The following PATJ variants were observed in gnomAD, a reference collection of about 807,000 sequenced individuals.
The protein encoded by PATJ is inaD-like protein.
PATJ carries 190 observed loss-of-function variants against 224.9 expected under a neutral mutation model. The observed-to-expected ratio is 0.84, with a 90% CI of 0.75 to 0.95. The LOEUF is 0.95. Ranked by LOEUF, PATJ falls within the 40% of genes least tolerant of loss-of-function variation. The pLI is 0.00. For missense variants in PATJ, 2,121 were observed against 2,270.3 expected, an observed-to-expected ratio of 0.93 and a Z score of 1.34; for synonymous variants, 769 against 820.3, an observed-to-expected ratio of 0.94 and a Z score of 1.07.
At chr1:61,955,926 A>G (rs1304901055) in intron 27 of PATJ, among the ~76,000 whole-genome samples, 1 of 152,230 alleles carries the variant, frequency 6.6e-6, no homozygotes, top group Non-Finnish European at 1.5e-5. Context: ...ACAAAGAGAC[A>G]TATAATTGGA....
intron 6 of PATJ, among the ~76,000 whole-genome samples, chr1:61,774,458 T>A (rs1646806708): frequency 6.6e-6 from 1 of 152,214 alleles, no homozygotes; most frequent in South Asian, 2.1e-4. Context: ...ATAGTCCTAT[T>A]GCTAATATCT....
intron 7 of PATJ, among the ~76,000 whole-genome samples, chr1:61,785,416 A>C (rs1308717518): frequency 6.6e-6 from 1 of 152,216 alleles, no homozygotes; most frequent in Admixed American, 6.5e-5. Flanking sequence ...AATAACTGAA[A>C]TGAGAATAGT....
Position 62,018,005 on chromosome 1 carries a change from G to C in PATJ, c.3959+58G>C. The C allele has an allele frequency of 3.4e-6, 3 of 886,120 alleles. No homozygotes were observed. Among genetic ancestry groups the C allele is most frequent in the Non-Finnish European group, 5.7e-6 (3 of 523,144 alleles). 54.9% of individuals were successfully genotyped at this position (886,120 alleles called of 1,614,324 possible). Reference sequence around the variant, plus strand: ...AAGACCTCTTCTGAAGATGTTATTAGTGTAAGACTATGTCATCTTTGATTT... The same window carrying C: ...AAGACCTCTTCTGAAGATGTTATTACTGTAAGACTATGTCATCTTTGATTT... On this transcript the variant is annotated intron_variant, in intron 29 of 43. Transcript: ENST00000642238. This position sits in a 1 kb window ranked among gnomAD's most constrained non-coding sequence, Gnocchi z 4.2.
intron 1 of PATJ, among the ~76,000 whole-genome samples, chr1:61,759,592 T>C (rs990406338): frequency 6.6e-6 from 1 of 152,108 alleles, no homozygotes; most frequent in Admixed American, 6.6e-5. Context: ...GTGTTTTTAG[T>C]ACACAAGGTT....
At chr1:61,915,006 A>T (rs1301765589) in intron 26 of PATJ, among the ~76,000 whole-genome samples, 1 of 152,192 alleles carries the variant, frequency 6.6e-6, no homozygotes, top group African/African-American at 2.4e-5. Context: ...TCCATTTCCC[A>T]CATTGCTCTC....
chr1:62,010,743 C>T (rs912886085), intron 28 of PATJ, among the ~76,000 whole-genome samples: 4 of 152,180 alleles, frequency 2.6e-5, no homozygotes, highest in Admixed American at 2.6e-4. Flanking sequence ...CATGGTTCCT[C>T]ATGGCTGGGG....
chr1:62,062,363 A>ATGTTGGTT (rs973982874), intron 31 of PATJ, among the ~76,000 whole-genome samples: 5 of 32,302 alleles, frequency 1.5e-4, no homozygotes, highest in African/African-American at 5.9e-4. Flanking sequence ...ATTTTTTCAT[A>ATGTTGGTT]TGTTGGTTGG....
At chr1:62,032,352 A>ATTTAAGTCATTTAAGTC (rs1649495195) in intron 29 of PATJ, among the ~76,000 whole-genome samples, 1 of 152,176 alleles carries the variant, frequency 6.6e-6, no homozygotes. Flanking sequence ...TTTAGAATTC[A>ATTTAAGTCATTTAAGTC]TTTAAGTCAA....
chr1:61,787,658 C>A, intron 7 of PATJ, 96 bp from the exon 8 acceptor site: 2 of 881,866 alleles, frequency 2.3e-6, no homozygotes, highest in Non-Finnish European at 3.6e-6. Context: ...GCTTCTTTGT[C>A]AGCCATTTTG....
intron 8 of PATJ, among the ~76,000 whole-genome samples, chr1:61,789,321 A>AATAC (rs1202993450): frequency 1.3e-5 from 2 of 151,740 alleles, no homozygotes; most frequent in Admixed American, 6.6e-5. Context: ...TAAATAAATA[A>AATAC]ATAAAATAAA....
At chr1:62,073,177 G>T in intron 31 of PATJ, 1 of 985,366 alleles carries the variant, frequency 1.0e-6, no homozygotes. Flanking sequence ...GGAGGTGATT[G>T]CAATGAGATC....
intron 26 of PATJ, among the ~76,000 whole-genome samples, chr1:61,926,861 G>A (rs1192087084): frequency 6.6e-6 from 1 of 152,122 alleles, no homozygotes; most frequent in Non-Finnish European, 1.5e-5. Context: ...TGCCATTAGT[G>A]GTTTTGTCAT....
Position 61,766,746 on chromosome 1 carries a change from C to CT in PATJ, c.384+274dup, listed in dbSNP as rs573863715. Reference sequence around the variant, plus strand: ...ATTTATTTTTTGAGATAAGGTCTTGCTAAGGAGAGTTTTTAGACAATGACT... The same window carrying CT: ...ATTTATTTTTTGAGATAAGGTCTTGCTTAAGGAGAGTTTTTAGACAATGACT... On this transcript the variant is annotated intron_variant, in intron 4 of 43. Coordinates refer to ENST00000642238, the MANE Select transcript of PATJ (RefSeq NM_001350145.3). 4.3e-3 allele frequency among the ~76,000 whole-genome samples: 657 copies of CT among 152,076 alleles called. 6 individuals are homozygous for CT. The highest frequency in any genetic ancestry group is 0.011 in the African/African-American group (460 of 41,478).
chr1:62,155,689 A>AT lies in PATJ; in HGVS notation c.5502+2211dup, dbSNP rs1231631237. 7.9e-5 allele frequency among the ~76,000 whole-genome samples: 8 copies of AT among 100,716 alleles called. 1 individual carries two copies. In the South Asian group the frequency reaches 2.0e-3, roughly 26 times the overall value. The allele number at this position is 100,716 out of a possible 152,430, so 66.1% of individuals were successfully genotyped here. On this transcript the variant is annotated intron_variant, in intron 43 of 43. Coordinates refer to ENST00000642238, the MANE Select transcript of PATJ (RefSeq NM_001350145.3). ...CACACCTAAAAATGAAAAGCTCTGA[A>AT]TTTAAAAAAAAAAAAAAAAAGACAA... is the stretch of plus-strand genomic sequence containing the variant.
At chr1:61,940,908 G>A (rs1487885980) in intron 27 of PATJ, among the ~76,000 whole-genome samples, 1 of 151,992 alleles carries the variant, frequency 6.6e-6, no homozygotes, top group African/African-American at 2.4e-5. Context: ...GCTCACCTTT[G>A]CATCTTCACA....
In PATJ at chr1:61,901,472, A is replaced by G. The variant is rs1283750548; in HGVS notation, c.3381+13A>G. 1.3e-6 allele frequency: 2 copies of G among 1,545,130 alleles called. No individual in the cohort carries two copies. Among genetic ancestry groups the G allele is most frequent in the South Asian group, 1.2e-5 (1 of 82,188 alleles). ...TAAAATACTTGAGGTAAATGATGTT[A>G]AAGTACTGTTTTTATTGGAAACATA... On this transcript the variant is annotated intron_variant, in intron 24 of 43. Coordinates refer to ENST00000642238, the MANE Select transcript of PATJ (RefSeq NM_001350145.3).
intron 33 of PATJ, among the ~76,000 whole-genome samples, chr1:62,095,090 AAAC>A (rs530340503): frequency 1.7e-3 from 258 of 152,338 alleles, no homozygotes; most frequent in Middle Eastern, 0.01. Context: ...CTGGCAGGCA[AAAC>A]AACATCAGCT....
At position 62,116,998 on chromosome 1, in the gene PATJ, C is replaced by T. The variant is rs1179543540; in HGVS notation, c.4804-134C>T. The T allele has an allele frequency of 2.6e-5, 18 of 702,206 alleles. No homozygotes were observed. The East Asian group carries it at 4.1e-4, about 16-fold the overall frequency. The allele number at this position is 702,206 out of a possible 1,614,324, so 43.5% of individuals were successfully genotyped here. On this transcript the variant is annotated intron_variant, in intron 36 of 43. Coordinates refer to ENST00000642238, the MANE Select transcript of PATJ (RefSeq NM_001350145.3). ...CTCCAGGAGCCACAGAATTCATCCTCCTCTCTCTAGGGCTATGCCTGTTGC... is the reference window on the plus strand; with the variant it reads ...CTCCAGGAGCCACAGAATTCATCCTTCTCTCTCTAGGGCTATGCCTGTTGC...
chr1:61,978,745 T>A (rs1644287893), intron 27 of PATJ, among the ~76,000 whole-genome samples: 2 of 152,112 alleles, frequency 1.3e-5, no homozygotes, highest in South Asian at 4.1e-4. Flanking sequence ...AGAGTGTTTT[T>A]AAATGTTTTC....
Sources: allele counts gnomAD v4.1 joint callset (sites outside exome capture counted in the v4.1 genomes callset), GRCh38; gene constraint gnomAD v4.1.1; non-coding constraint Gnocchi (gnomAD v3.1); transcripts MANE v1.5; gene names NCBI Gene and HGNC (gene_info 2026-07-23, HGNC 2026-07-21).